Variants in CHRM3 observed in about 807,000 individuals in gnomAD.
CHRM3 encodes the protein cholinergic receptor muscarinic 3.
In CHRM3, 11 loss-of-function variants were observed where a neutral mutation model predicts 41.8. That is an observed-to-expected ratio of 0.26 (90% CI 0.17 to 0.44). The LOEUF (loss-of-function observed/expected upper bound fraction) is 0.44. Among genes scored for constraint, CHRM3 ranks in the 20% least tolerant of loss-of-function variants. The pLI is 1.00. For missense variants in CHRM3, 571 were observed against 745.4 expected (o/e 0.77, Z 2.72); for synonymous variants, 297 against 301.4 (o/e 0.99, Z 0.15).
At chr1:239,592,218 T>C (rs1196249618) in intron 3 of CHRM3, among the ~76,000 whole-genome samples, 1 of 152,228 alleles carries the variant, frequency 6.6e-6, no homozygotes, top group Non-Finnish European at 1.5e-5. Context: ...ATGGCATAAC[T>C]ATATTTAAAA....
chr1:239,562,577 GATTATT>G (rs1014289304), intron 3 of CHRM3, among the ~76,000 whole-genome samples: 1 of 151,630 alleles, frequency 6.6e-6, no homozygotes. Context: ...TGATGATGAT[GATTATT>G]ATTATTATTA....
At chr1:239,596,593 T>C (rs564420185) in intron 3 of CHRM3, among the ~76,000 whole-genome samples, 1 of 152,292 alleles carries the variant, frequency 6.6e-6, no homozygotes, top group East Asian at 1.9e-4. Context: ...AGTATATACC[T>C]GATGAATTTT....
chr1:239,517,108 GA>G (rs757653434), intron 2 of CHRM3, among the ~76,000 whole-genome samples: 26 of 152,156 alleles, frequency 1.7e-4, no homozygotes, highest in Non-Finnish European at 3.5e-4. Flanking sequence ...GAATCATCCT[GA>G]AACCACCATC....
intron 3 of CHRM3, among the ~76,000 whole-genome samples, chr1:239,571,329 A>T (rs79951471): frequency 2.6e-5 from 4 of 151,996 alleles, no homozygotes; most frequent in African/African-American, 4.8e-5. Context: ...GCAAGGAAAC[A>T]GTGCAAAAAA....
intron 5 of CHRM3, among the ~76,000 whole-genome samples, chr1:239,685,280 G>T (rs1659021927): frequency 6.6e-6 from 1 of 152,116 alleles, no homozygotes; most frequent in African/African-American, 2.4e-5. Context: ...AGTAAAAATA[G>T]TCATATATTC....
In CHRM3 at chr1:239,608,504, T is replaced by C. The variant is rs138186120; in HGVS notation, c.-312-23720T>C. On this transcript the variant is annotated intron_variant, in intron 3 of 6. Transcript: ENST00000676153. ...ATATTTTCATCTCTTTTTTTTTGTA[T>C]GTCCTAAAATAAGCAACATGAGTAC... 9.5e-3 allele frequency among the ~76,000 whole-genome samples: 1,451 copies of C among 152,338 alleles called. 29 individuals carry two copies. Among genetic ancestry groups the C allele is most frequent in the African/African-American group, 0.033 (1,359 of 41,574 alleles).
At chr1:239,893,322 G>T (rs1004650346) in intron 6 of CHRM3, among the ~76,000 whole-genome samples, 5 of 152,188 alleles carry the variant, frequency 3.3e-5, no homozygotes, top group Admixed American at 3.3e-4. Flanking sequence ...GAATGAGAGA[G>T]GCAAGGGCAA....
At chr1:239,822,826 A>G in intron 5 of CHRM3, among the ~76,000 whole-genome samples, 1 of 152,256 alleles carries the variant, frequency 6.6e-6, no homozygotes, top group Admixed American at 6.5e-5. Context: ...GAGCTTAGGC[A>G]ATTTGCAACG....
At chr1:239,699,586 G>T (rs765988383) in intron 5 of CHRM3, among the ~76,000 whole-genome samples, 1 of 152,118 alleles carries the variant, frequency 6.6e-6, no homozygotes, top group Non-Finnish European at 1.5e-5. Context: ...CCGATCTGTA[G>T]CTTGAGCAGA....
At chr1:239,613,001 C>G (rs1667236721) in intron 3 of CHRM3, among the ~76,000 whole-genome samples, 1 of 152,150 alleles carries the variant, frequency 6.6e-6, no homozygotes, top group Non-Finnish European at 1.5e-5. Context: ...ATGAAAACTG[C>G]CTGGCATTAA....
chr1:239,784,195 G>C (rs1230362272), intron 5 of CHRM3, among the ~76,000 whole-genome samples: 1 of 151,948 alleles, frequency 6.6e-6, no homozygotes, highest in East Asian at 1.9e-4. Flanking sequence ...TTTTTTCCCT[G>C]ATAACTTTTC....
intron 3 of CHRM3, among the ~76,000 whole-genome samples, chr1:239,603,636 C>T (rs1572881274): frequency 1.3e-5 from 2 of 152,122 alleles, no homozygotes; most frequent in South Asian, 4.2e-4. Flanking sequence ...ATCTAAAAAC[C>T]AACCCTTTGC....
chr1:239,828,334 A>G (rs553150751), intron 6 of CHRM3, among the ~76,000 whole-genome samples: 1 of 152,224 alleles, frequency 6.6e-6, no homozygotes, highest in South Asian at 2.1e-4. Flanking sequence ...ACATACAGAT[A>G]TATACACATA....
intron 6 of CHRM3, among the ~76,000 whole-genome samples, chr1:239,865,648 A>T (rs1399030703): frequency 6.6e-6 from 1 of 152,138 alleles, no homozygotes; most frequent in Admixed American, 6.5e-5. Context: ...GTCAACAGGA[A>T]CTCAAGTCTG....
intron 4 of CHRM3, among the ~76,000 whole-genome samples, chr1:239,667,694 G>A (rs1461029312): frequency 2.0e-5 from 3 of 152,158 alleles, no homozygotes; most frequent in Non-Finnish European, 4.4e-5. Flanking sequence ...TGGTCAAGCT[G>A]TCTAAATATG....
At chr1:239,669,463 G>A (rs1449204850) in intron 4 of CHRM3, among the ~76,000 whole-genome samples, 2 of 152,178 alleles carry the variant, frequency 1.3e-5, no homozygotes, top group South Asian at 2.1e-4. Context: ...TACTTTGCTC[G>A]ATGAAATGGT....
intron 1 of CHRM3, among the ~76,000 whole-genome samples, chr1:239,452,919 G>A (rs1375567306): frequency 1.4e-4 from 22 of 152,090 alleles, no homozygotes; most frequent in African/African-American, 4.1e-4. Context: ...TCCTGCCTCA[G>A]CCTCCCGAGT....
intron 3 of CHRM3, among the ~76,000 whole-genome samples, chr1:239,596,042 T>G (rs1340458469): frequency 6.6e-6 from 1 of 152,212 alleles, no homozygotes; most frequent in African/African-American, 2.4e-5. Flanking sequence ...TTTACCTGGA[T>G]GTATTTATAA....
Position 239,417,478 on chromosome 1 carries a change from A to G in CHRM3, c.-521+30251A>G, listed in dbSNP as rs565758099. ...ACGGTTAACTTCGTTATGAACAATA[A>G]ATCATAAGTGTGTGGTGAAATGTTT... On this transcript the variant is annotated intron_variant, in intron 1 of 6. Coordinates refer to ENST00000676153, the MANE Select transcript of CHRM3 (RefSeq NM_001375978.1). Among the ~76,000 whole-genome samples the G allele has an allele frequency of 4.8e-4, 73 of 152,304 alleles. No homozygotes were observed. The Middle Eastern group carries it at 0.014, about 28-fold the overall frequency.
Sources: gnomAD v4.1 joint callset for allele counts (sites outside exome capture counted in the v4.1 genomes callset) on GRCh38, gnomAD v4.1.1 for gene constraint, MANE v1.5 for transcripts, NCBI Gene and HGNC (gene_info 2026-07-23, HGNC 2026-07-21) for gene names.